SLC4A4: variants seen among roughly 807,000 people sequenced by gnomAD.
SLC4A4 encodes the protein solute carrier family 4 member 4, also known as electrogenic sodium bicarbonate cotransporter 1.
Under a neutral mutation model 111.5 loss-of-function variants are expected in SLC4A4, and 27 were observed. That is an observed-to-expected ratio of 0.24 (90% CI 0.18 to 0.33). The LOEUF is 0.33. Ranked by LOEUF, SLC4A4 falls within the 10% of genes least tolerant of loss-of-function variation. SLC4A4 has a pLI of 1.00. For synonymous variants in SLC4A4, 443 were observed against 463.4 expected (o/e 0.96, Z 0.57); for missense variants, 909 against 1,315.5 (o/e 0.69, Z 4.78).
At chr4:71,484,594 G>T (rs555371912) in intron 14 of SLC4A4, among the ~76,000 whole-genome samples, 1 of 151,714 alleles carries the variant, frequency 6.6e-6, no homozygotes, top group South Asian at 2.1e-4. Flanking sequence ...TTTGAAGTTG[G>T]GTAACATGAT....
chr4:71,080,155 G>A (rs1741953730), intron 1 of SLC4A4, among the ~76,000 whole-genome samples: 1 of 152,084 alleles, frequency 6.6e-6, no homozygotes, highest in African/African-American at 2.4e-5. Context: ...CTTGACAGCA[G>A]GAGTGCAGCA....
intron 4 of SLC4A4, among the ~76,000 whole-genome samples, chr4:71,341,117 T>G (rs566513529): frequency 6.6e-6 from 1 of 152,172 alleles, no homozygotes; most frequent in Non-Finnish European, 1.5e-5. Flanking sequence ...AAACCTCTTA[T>G]AGTCTGTAAT....
At chr4:71,086,623 G>A (rs1442459570) in intron 1 of SLC4A4, among the ~76,000 whole-genome samples, 1 of 151,988 alleles carries the variant, frequency 6.6e-6, no homozygotes, top group Non-Finnish European at 1.5e-5. Flanking sequence ...AAGGGTTGTT[G>A]AATTTTGTCA....
intron 2 of SLC4A4, among the ~76,000 whole-genome samples, chr4:71,174,827 C>T (rs1357002743): frequency 2.0e-5 from 3 of 152,090 alleles, no homozygotes; most frequent in African/African-American, 7.2e-5. Context: ...ACGATGTAGC[C>T]CAGGCTCAAG....
At chr4:71,369,791 T>C (rs556266326) in intron 6 of SLC4A4, among the ~76,000 whole-genome samples, 8 of 152,308 alleles carry the variant, frequency 5.3e-5, no homozygotes, top group Non-Finnish European at 7.4e-5. Context: ...GTATATGTGA[T>C]ATAATTTTTT....
intron 3 of SLC4A4, among the ~76,000 whole-genome samples, chr4:71,257,693 T>G (rs1408362850): frequency 1.3e-5 from 2 of 152,236 alleles, no homozygotes; most frequent in Non-Finnish European, 2.9e-5. Context: ...ACCTATGGTG[T>G]TTGAGTTGCT....
intron 5 of SLC4A4, among the ~76,000 whole-genome samples, chr4:71,353,282 C>G (rs1730004843): frequency 6.6e-6 from 1 of 152,174 alleles, no homozygotes; most frequent in Admixed American, 6.5e-5. Flanking sequence ...GGTATCATCA[C>G]TCACTAATAT....
At chr4:71,288,608 A>C (rs1209405007) in intron 3 of SLC4A4, among the ~76,000 whole-genome samples, 1 of 152,074 alleles carries the variant, frequency 6.6e-6, no homozygotes, top group African/African-American at 2.4e-5. Context: ...CATGTTGGCC[A>C]GGCTGGTCTT....
At chr4:71,415,286 G>A (rs763164799) in intron 7 of SLC4A4, among the ~76,000 whole-genome samples, 2 of 152,250 alleles carry the variant, frequency 1.3e-5, no homozygotes, top group Middle Eastern at 3.4e-3. Flanking sequence ...TGGCAATCTA[G>A]CTGTATTTTA....
chr4:71,075,929 A>G (rs1206341784), intron 1 of SLC4A4, among the ~76,000 whole-genome samples: 1 of 151,562 alleles, frequency 6.6e-6, no homozygotes, highest in Non-Finnish European at 1.5e-5. Flanking sequence ...ATTGCACTCC[A>G]GCCTGGCGAC....
At chr4:71,376,295 G>A (rs1415736004) in intron 6 of SLC4A4, among the ~76,000 whole-genome samples, 4 of 150,984 alleles carry the variant, frequency 2.6e-5, no homozygotes, top group East Asian at 2.0e-4. Flanking sequence ...TCTGCCTCTC[G>A]GGTTCACGCC....
intron 1 of SLC4A4, among the ~76,000 whole-genome samples, chr4:71,081,524 G>T (rs1484370603): frequency 6.6e-6 from 1 of 152,102 alleles, no homozygotes; most frequent in Non-Finnish European, 1.5e-5. Flanking sequence ...AGCCAGTGAT[G>T]CTTTTGCAAA....
chr4:71,219,910 A>G (rs1718643956), intron 1 of SLC4A4, among the ~76,000 whole-genome samples: 1 of 152,230 alleles, frequency 6.6e-6, no homozygotes, highest in Admixed American at 6.5e-5. Context: ...ACTTGAATGG[A>G]TGGGGAGTCA....
At chr4:71,073,420 G>A (rs1578452540) in intron 1 of SLC4A4, among the ~76,000 whole-genome samples, 1 of 152,146 alleles carries the variant, frequency 6.6e-6, no homozygotes, top group African/African-American at 2.4e-5. Flanking sequence ...TGGAGAATAT[G>A]TTTTTAGAAA....
chr4:71,391,794 T>C (rs1719301871), intron 6 of SLC4A4, among the ~76,000 whole-genome samples: 1 of 152,020 alleles, frequency 6.6e-6, no homozygotes, highest in Non-Finnish European at 1.5e-5. Context: ...ATAAGACATT[T>C]TTACACCCTG....
rs550361402 is a variant in SLC4A4 at position 71,250,666 on chromosome 4, A to T, written c.74-4554A>T. Among the ~76,000 whole-genome samples the T allele has an allele frequency of 4.6e-5, 7 of 152,308 alleles. No homozygotes were observed. In the South Asian group the frequency reaches 1.5e-3, roughly 32 times the overall value. On this transcript the variant is annotated intron_variant, in intron 2 of 25. Transcript: ENST00000264485. ...TAAAATGCACGTCATGAAACTCTAT[A>T]TGCTCACTACGGGTTTGCCTAAAAT...
At chr4:71,258,188 T>A (rs372118444) in intron 3 of SLC4A4, among the ~76,000 whole-genome samples, 2 of 152,174 alleles carry the variant, frequency 1.3e-5, no homozygotes, top group African/African-American at 4.8e-5. Context: ...TCCAGATACA[T>A]TGATATTGGA....
At chr4:71,096,378 A>T (rs1578475153) in intron 2 of SLC4A4, among the ~76,000 whole-genome samples, 1 of 152,306 alleles carries the variant, frequency 6.6e-6, no homozygotes, top group Non-Finnish European at 1.5e-5. Context: ...ACTGACATTT[A>T]GTTGACAGGC....
chr4:71,482,693 C>CATATA (rs1728992999), intron 14 of SLC4A4, among the ~76,000 whole-genome samples: 1 of 151,648 alleles, frequency 6.6e-6, no homozygotes, highest in Non-Finnish European at 1.5e-5. Flanking sequence ...CAAATAGTAT[C>CATATA]TGTAATTTCA....
Sources: gnomAD v4.1 joint callset for allele counts (sites outside exome capture counted in the v4.1 genomes callset) on GRCh38, gnomAD v4.1.1 for gene constraint, MANE v1.5 for transcripts, NCBI Gene and HGNC (gene_info 2026-07-23, HGNC 2026-07-21) for gene names.